ARHGAP15: variants seen among roughly 807,000 people sequenced by gnomAD.
ARHGAP15 encodes the protein Rho GTPase activating protein 15.
ARHGAP15 carries 51 observed loss-of-function variants against 63.7 expected under a neutral mutation model. The ratio of observed to expected loss-of-function variants is 0.80; its 90% CI spans 0.64 to 1.01. ARHGAP15 has a LOEUF of 1.01. Ranked by LOEUF, ARHGAP15 falls within the 50% of genes least tolerant of loss-of-function variation. ARHGAP15 has a pLI of 0.00. For missense variants in ARHGAP15, 560 were observed against 564.6 expected (o/e 0.99, Z 0.08); for synonymous variants, 191 against 193.8 (o/e 0.99, Z 0.12).
intron 10 of ARHGAP15, among the ~76,000 whole-genome samples, chr2:143,548,427 C>G (rs192906182): frequency 6.6e-6 from 1 of 151,716 alleles, no homozygotes. Flanking sequence ...CTGGAATTTG[C>G]CCCTAGCTCA....
rs879579109 is a variant in ARHGAP15, at chr2:143,142,723, T to TCA, written c.-14-12743_-14-12742dup. ...TAAATACACATACATGTGTGCATGC[T>TCA]CACACACACACAAAAACACACACAA... On this transcript the variant is annotated intron_variant, in intron 1 of 13. Transcript: ENST00000295095. Among the ~76,000 whole-genome samples, 7 of 152,022 alleles carry TCA rather than the reference T, an allele frequency of 4.6e-5. No individual in the cohort carries two copies. The East Asian group carries it at 9.7e-4, about 21-fold the overall frequency.
rs146365339 is a variant in ARHGAP15 at position 143,191,155 on chromosome 2, C to T, written c.166-10979C>T. Among the ~76,000 whole-genome samples the T allele has an allele frequency of 3.6e-3, 544 of 152,278 alleles. 5 individuals are homozygous for T. The highest frequency in any genetic ancestry group is 0.013 in the African/African-American group (522 of 41,544). On this transcript the variant is annotated intron_variant, in intron 2 of 13. Coordinates refer to ENST00000295095, the MANE Select transcript of ARHGAP15 (RefSeq NM_018460.4). The stretch of plus-strand genomic sequence containing the variant: ...TTCTTTAGAAAAGGAACATAAACCC[C>T]AAGTATTATATATGCTACGCAGGTC...
At chr2:143,334,383 T>C (rs76605060) in intron 6 of ARHGAP15, among the ~76,000 whole-genome samples, 2,899 of 152,308 alleles carry the variant, frequency 0.019, 98 homozygotes, top group African/African-American at 0.065. Context: ...TTTCTAGACT[T>C]AATCTTACAT....
At chr2:143,287,732 G>T (rs1682176871) in intron 6 of ARHGAP15, among the ~76,000 whole-genome samples, 2 of 152,194 alleles carry the variant, frequency 1.3e-5, no homozygotes, top group Admixed American at 1.3e-4. Flanking sequence ...GCACCCAGGA[G>T]GTGGAGGTTG....
At chr2:143,518,667 C>T (rs999197158) in intron 9 of ARHGAP15, among the ~76,000 whole-genome samples, 1 of 152,076 alleles carries the variant, frequency 6.6e-6, no homozygotes, top group African/African-American at 2.4e-5. Context: ...ACAGGAGACA[C>T]AAAGCTGAGA....
intron 8 of ARHGAP15, among the ~76,000 whole-genome samples, chr2:143,442,269 G>A (rs1574456241): frequency 6.6e-6 from 1 of 152,076 alleles, no homozygotes; most frequent in Non-Finnish European, 1.5e-5. Context: ...TTTTCACAAG[G>A]AAACCATGTA....
chr2:143,228,859 T>G lies in ARHGAP15; in HGVS notation c.384+191T>G, dbSNP rs1574121307. On this transcript the variant is annotated intron_variant, in intron 5 of 13. Transcript: ENST00000295095. ...ACTTAGTGTCTGTTTTATTAAGTGG[T>G]GCATTTGGAGAATAATCACAAAATG... Among the ~76,000 whole-genome samples, 7 of 152,300 alleles carry G rather than the reference T, an allele frequency of 4.6e-5. No individual in the cohort carries two copies. The South Asian group carries it at 1.4e-3, about 32-fold the overall frequency.
intron 6 of ARHGAP15, among the ~76,000 whole-genome samples, chr2:143,391,132 G>A (rs1312038114): frequency 2.6e-5 from 4 of 152,148 alleles, no homozygotes; most frequent in East Asian, 1.9e-4. Context: ...GCTCCCTCAC[G>A]TTCTCTGAAT....
At chr2:143,332,995 C>T (rs1282896807) in intron 6 of ARHGAP15, among the ~76,000 whole-genome samples, 2 of 149,830 alleles carry the variant, frequency 1.3e-5, no homozygotes, top group Non-Finnish European at 3.0e-5. Context: ...AAAAAGCTAC[C>T]ATTATATTGA....
chr2:143,278,320 CT>C (rs1681667616), intron 6 of ARHGAP15, among the ~76,000 whole-genome samples: 1 of 152,178 alleles, frequency 6.6e-6, no homozygotes, highest in Non-Finnish European at 1.5e-5. Flanking sequence ...CCCAGATGGT[CT>C]GCAGCAGGCA....
chr2:143,311,508 C>T (rs1683446618), intron 6 of ARHGAP15, among the ~76,000 whole-genome samples: 1 of 152,066 alleles, frequency 6.6e-6, no homozygotes, highest in South Asian at 2.1e-4. Flanking sequence ...CAGTTAAGAA[C>T]ATGCTGCATA....
At chr2:143,330,859 ATAAC>A (rs1306562215) in intron 6 of ARHGAP15, among the ~76,000 whole-genome samples, 2 of 152,226 alleles carry the variant, frequency 1.3e-5, no homozygotes, top group African/African-American at 4.8e-5. Flanking sequence ...TTAAACATAA[ATAAC>A]CTACATTATA....
intron 6 of ARHGAP15, among the ~76,000 whole-genome samples, chr2:143,387,700 A>G (rs1558937505): frequency 6.6e-6 from 1 of 151,838 alleles, no homozygotes; most frequent in Non-Finnish European, 1.5e-5. Context: ...GAATCTTCCC[A>G]AAATAGAAAA....
rs1465395411 is a variant in ARHGAP15 at position 143,664,729 on chromosome 2, G to C, written c.1139-38690G>C. Among the ~76,000 whole-genome samples, 3 of 152,102 alleles carry C rather than the reference G, an allele frequency of 2.0e-5. No homozygotes were observed. In the East Asian group the frequency reaches 5.8e-4, roughly 29 times the overall value. On this transcript the variant is annotated intron_variant, in intron 12 of 13. Transcript: ENST00000295095. ...AAATAGACACAATAAAAATGATAAA[G>C]GGGATATCACCACCGATCCCACAGA...
intron 12 of ARHGAP15, among the ~76,000 whole-genome samples, chr2:143,657,126 C>A (rs531712073): frequency 6.6e-6 from 1 of 152,116 alleles, no homozygotes; most frequent in African/African-American, 2.4e-5. Context: ...GTGGGCAGAT[C>A]GTGAGGTCAG....
chr2:143,488,188 T>C (rs1040849914), intron 9 of ARHGAP15, among the ~76,000 whole-genome samples: 1 of 152,236 alleles, frequency 6.6e-6, no homozygotes, highest in Admixed American at 6.5e-5. Context: ...CTCAGCTTTC[T>C]CATTTGTTAA....
intron 8 of ARHGAP15, among the ~76,000 whole-genome samples, chr2:143,463,313 G>T (rs1028856634): frequency 1.3e-5 from 2 of 152,024 alleles, no homozygotes; most frequent in Admixed American, 1.3e-4. Context: ...AGGCCAAGGC[G>T]GGTGGATCAC....
chr2:143,382,014 T>C (rs897867987), intron 6 of ARHGAP15, among the ~76,000 whole-genome samples: 2 of 152,118 alleles, frequency 1.3e-5, no homozygotes, highest in Admixed American at 6.6e-5. Context: ...CTCTTGATGC[T>C]TTTGCTTTTT....
At chr2:143,143,415 T>A (rs982645465) in intron 1 of ARHGAP15, among the ~76,000 whole-genome samples, 3 of 135,462 alleles carry the variant, frequency 2.2e-5, no homozygotes, top group African/African-American at 7.3e-5. Flanking sequence ...AGTAAAAAAT[T>A]TCAGTTTAAG....
Sources: allele counts gnomAD v4.1 joint callset (sites outside exome capture counted in the v4.1 genomes callset), GRCh38; gene constraint gnomAD v4.1.1; transcripts MANE v1.5; gene names NCBI Gene and HGNC (gene_info 2026-07-23, HGNC 2026-07-21).